The following SORCS2 variants were observed in gnomAD, a reference collection of about 807,000 sequenced individuals.
The protein encoded by SORCS2 is sortilin related VPS10 domain containing receptor 2.
Under a neutral mutation model 141.6 loss-of-function variants are expected in SORCS2, and 100 were observed. That is an observed-to-expected ratio of 0.71 (90% CI 0.60 to 0.83). SORCS2 has a LOEUF of 0.83. Among genes scored for constraint, SORCS2 ranks in the 40% least tolerant of loss-of-function variants. The pLI, the probability that SORCS2 is intolerant of heterozygous loss-of-function variation, is 0.00. For synonymous variants in SORCS2, 789 were observed against 676.9 expected (o/e 1.17, Z -2.57); for missense variants, 1,646 against 1,560.2 (o/e 1.05, Z -0.93).
intron 2 of SORCS2, 87 bp from the exon 3 acceptor site, chr4:7,531,443 C>A: frequency 1.5e-6 from 2 of 1,301,714 alleles, no homozygotes; most frequent in Non-Finnish European, 2.2e-6. Flanking sequence ...CCCGCACGGG[C>A]ACAGGGCAGG....
At chr4:7,616,665 GT>G (rs770382152) in intron 3 of SORCS2, among the ~76,000 whole-genome samples, 1 of 152,214 alleles carries the variant, frequency 6.6e-6, no homozygotes, top group Non-Finnish European at 1.5e-5. Flanking sequence ...CTGAATGGAT[GT>G]TTTTTCTGCC....
intron 1 of SORCS2, among the ~76,000 whole-genome samples, chr4:7,247,144 A>T (rs1254377960): frequency 6.6e-6 from 1 of 152,188 alleles, no homozygotes; most frequent in Non-Finnish European, 1.5e-5. Flanking sequence ...TTCTGAGCCC[A>T]GGGGTCACCA....
At chr4:7,724,105 A>AGTGGTGGTGATGGTGGTGGTGGTGGTG (rs1360598290) in intron 19 of SORCS2, among the ~76,000 whole-genome samples, 1 of 135,974 alleles carries the variant, frequency 7.4e-6, no homozygotes, top group African/African-American at 3.2e-5. Context: ...TATTGATGAT[A>AGTGGTGGTGATGGTGGTGGTGGTGGTG]GTGGTGGTGA....
At chr4:7,376,576 C>A (rs527247378) in intron 1 of SORCS2, among the ~76,000 whole-genome samples, 43 of 152,232 alleles carry the variant, frequency 2.8e-4, no homozygotes, top group Admixed American at 2.4e-3. Context: ...GACTCTGTCT[C>A]AAAACAAAAA....
Position 7,628,485 on chromosome 4 carries a change from C to T in SORCS2, c.649-9843C>T, listed in dbSNP as rs568443218. Among the ~76,000 whole-genome samples, 15 of 150,884 alleles carry T rather than the reference C, an allele frequency of 9.9e-5. No individual in the cohort carries two copies. The East Asian group carries it at 3.0e-3, about 30-fold the overall frequency. ...AGTGAGCTGAGATTGTGCCACTGCA[C>T]TCCAGCCTGGGCAAAAGAGTGAGAC... On this transcript the variant is annotated intron_variant, in intron 3 of 26. Transcript: ENST00000507866.
intron 2 of SORCS2, among the ~76,000 whole-genome samples, chr4:7,423,253 T>C (rs1726209901): frequency 6.6e-6 from 1 of 152,218 alleles, no homozygotes; most frequent in Non-Finnish European, 1.5e-5. Flanking sequence ...ATTATTTTAA[T>C]GCAGTTTCCT....
At chr4:7,740,106 G>A (rs781284348) in intron 26 of SORCS2, 94 bp from the exon 27 acceptor site, 341 of 1,093,610 alleles carry the variant, frequency 3.1e-4, no homozygotes, top group South Asian at 4.4e-4. Context: ...ACGTTGGCTC[G>A]AGGCACTGCC....
At chr4:7,383,693 C>G (rs560710631) in intron 1 of SORCS2, among the ~76,000 whole-genome samples, 4 of 152,312 alleles carry the variant, frequency 2.6e-5, no homozygotes, top group African/African-American at 9.6e-5. Flanking sequence ...AATGCCAACC[C>G]TTCCAGGTAG....
At chr4:7,652,696 C>G (rs1292065512) in intron 4 of SORCS2, among the ~76,000 whole-genome samples, 1 of 152,186 alleles carries the variant, frequency 6.6e-6, no homozygotes, top group Non-Finnish European at 1.5e-5. Context: ...TCTGCTGCTG[C>G]CCCCAGCTGG....
intron 3 of SORCS2, among the ~76,000 whole-genome samples, chr4:7,626,275 T>C (rs995642221): frequency 1.3e-5 from 2 of 152,262 alleles, no homozygotes; most frequent in African/African-American, 4.8e-5. Flanking sequence ...AAGCTTTTGC[T>C]TATAAACACA....
chr4:7,337,874 C>T (rs1200731542), intron 1 of SORCS2, among the ~76,000 whole-genome samples: 1 of 152,188 alleles, frequency 6.6e-6, no homozygotes, highest in Non-Finnish European at 1.5e-5. Flanking sequence ...CTGCCACCCA[C>T]ACATGCTCCC....
chr4:7,198,375 C>T (rs997173820), intron 1 of SORCS2, among the ~76,000 whole-genome samples: 1 of 152,230 alleles, frequency 6.6e-6, no homozygotes, highest in Non-Finnish European at 1.5e-5. Context: ...GTGATGTCAA[C>T]TCCAGTCCAC....
intron 5 of SORCS2, among the ~76,000 whole-genome samples, chr4:7,658,429 T>C (rs1577907890): frequency 6.6e-6 from 1 of 152,204 alleles, no homozygotes; most frequent in East Asian, 1.9e-4. Flanking sequence ...GTATTGCTGG[T>C]GGAGGGCCTG....
intron 1 of SORCS2, among the ~76,000 whole-genome samples, chr4:7,392,831 C>G (rs537428212): frequency 6.6e-6 from 1 of 152,002 alleles, no homozygotes; most frequent in African/African-American, 2.4e-5. Context: ...CCACAGGTCA[C>G]TGGGCGGTTC....
In SORCS2 at chr4:7,260,323, A is replaced by G. The variant is rs371307362; in HGVS notation, c.480+67197A>G. Among the ~76,000 whole-genome samples, 15 of 152,276 alleles carry G rather than the reference A, an allele frequency of 9.9e-5. No individual in the cohort carries two copies. In the South Asian group the frequency reaches 2.9e-3, roughly 30 times the overall value. On this transcript the variant is annotated intron_variant, in intron 1 of 26. Transcript: ENST00000507866. ...TGTGTGGGTTTATCATAGGAGGGTCAGAGGAGCCACACTTACTCTCTGCCT... is the reference window on the plus strand; with the variant it reads ...TGTGTGGGTTTATCATAGGAGGGTCGGAGGAGCCACACTTACTCTCTGCCT...
intron 1 of SORCS2, among the ~76,000 whole-genome samples, chr4:7,194,252 G>A (rs760621659): frequency 3.9e-5 from 6 of 152,092 alleles, no homozygotes; most frequent in African/African-American, 1.4e-4. Flanking sequence ...AAAGGGCCAG[G>A]GTTCCTATAT....
chr4:7,276,276 T>C (rs1334175270), intron 1 of SORCS2, among the ~76,000 whole-genome samples: 1 of 152,124 alleles, frequency 6.6e-6, no homozygotes, highest in African/African-American at 2.4e-5. Context: ...AAGAGATTGC[T>C]CTTCCTGGGA....
chr4:7,569,825 T>C (rs1715267596), intron 3 of SORCS2, among the ~76,000 whole-genome samples: 1 of 152,190 alleles, frequency 6.6e-6, no homozygotes, highest in Admixed American at 6.5e-5. Context: ...TCTGCAAAAC[T>C]GTGAGGCACT....
At chr4:7,557,087 G>A (rs1577744339) in intron 3 of SORCS2, among the ~76,000 whole-genome samples, 1 of 152,236 alleles carries the variant, frequency 6.6e-6, no homozygotes, top group South Asian at 2.1e-4. Context: ...TCTCCTCTCA[G>A]TGGGAAGACA....
Sources: gnomAD v4.1 joint callset for allele counts (sites outside exome capture counted in the v4.1 genomes callset) on GRCh38, gnomAD v4.1.1 for gene constraint, MANE v1.5 for transcripts, NCBI Gene and HGNC (gene_info 2026-07-23, HGNC 2026-07-21) for gene names.